Variants in TTC6 observed in about 807,000 individuals in gnomAD.
TTC6 encodes tetratricopeptide repeat domain 6.
A neutral mutation model predicts 210.4 loss-of-function variants in TTC6; 172 were observed. The ratio of observed to expected loss-of-function variants is 0.82; its 90% CI spans 0.72 to 0.93. The LOEUF (loss-of-function observed/expected upper bound fraction) is 0.93. Ranked by LOEUF, TTC6 falls within the 40% of genes least tolerant of loss-of-function variation. The pLI is 0.00. For missense variants in TTC6, 2,414 were observed against 2,318.1 expected (o/e 1.04, Z -0.85); for synonymous variants, 804 against 819.6 (o/e 0.98, Z 0.32).
chr14:37,774,717 A>T (rs1433634662), intron 14 of TTC6, among the ~76,000 whole-genome samples: 2 of 152,054 alleles, frequency 1.3e-5, no homozygotes, highest in East Asian at 3.9e-4. Context: ...TTTGTCTCTC[A>T]CAGGTTTTGA....
At chr14:37,832,329 C>CTTTTT (rs58133834) in intron 29 of TTC6, among the ~76,000 whole-genome samples, 4 of 68,908 alleles carry the variant, frequency 5.8e-5, no homozygotes, top group Admixed American at 1.7e-4. Context: ...TTCTTTCTCT[C>CTTTTT]TTTTTTTTTT....
intron 7 of TTC6, among the ~76,000 whole-genome samples, chr14:37,734,842 G>T (rs2095897326): frequency 1.3e-5 from 2 of 152,004 alleles, no homozygotes; most frequent in East Asian, 3.9e-4. Context: ...ACCATTGATT[G>T]TTAATAAGTT....
intron 10 of TTC6, among the ~76,000 whole-genome samples, chr14:37,748,604 G>T (rs190005065): frequency 3.3e-5 from 5 of 151,552 alleles, no homozygotes; most frequent in South Asian, 2.1e-4. Flanking sequence ...TTTTTCTCAC[G>T]TTATGTTTAC....
intron 3 of TTC6, among the ~76,000 whole-genome samples, chr14:37,695,370 T>C (rs2095812764): frequency 6.6e-6 from 1 of 152,132 alleles, no homozygotes; most frequent in Admixed American, 6.6e-5. Flanking sequence ...ATTTATTTAT[T>C]TGAGATGGAA....
intron 14 of TTC6, among the ~76,000 whole-genome samples, chr14:37,769,326 T>G (rs1364304103): frequency 6.6e-6 from 1 of 151,352 alleles, no homozygotes; most frequent in South Asian, 2.1e-4. Flanking sequence ...TAAAATGAGT[T>G]AGGGAGGATT....
At chr14:37,769,911 ATCTT>A (rs2096012503) in intron 14 of TTC6, among the ~76,000 whole-genome samples, 1 of 151,564 alleles carries the variant, frequency 6.6e-6, no homozygotes, top group Non-Finnish European at 1.5e-5. Context: ...TCAATTTTGA[ATCTT>A]TCCTGCTTTC....
At chr14:37,617,940 A>G (rs1445132708), upstream of TTC6, among the ~76,000 whole-genome samples, 2 of 152,216 alleles carry the variant, frequency 1.3e-5, no homozygotes, top group Non-Finnish European at 2.9e-5. Context: ...CTGACTACAT[A>G]TAGGAAGAGG....
Position 37,815,013 on chromosome 14 carries a change from G to A in TTC6, c.4690-2565G>A, listed in dbSNP as rs972279982. ...GCTTGTTTGTGAAGTTAATGGCTAA[G>A]TTAACCAGAAGTTAATGGGTTAAGA... On this transcript the variant is annotated intron_variant, in intron 25 of 30. Coordinates refer to ENST00000553443, the Ensembl canonical transcript of TTC6. 4.6e-5 allele frequency among the ~76,000 whole-genome samples: 7 copies of A among 152,280 alleles called. No individual in the cohort carries two copies. In the South Asian group the frequency reaches 8.3e-4, roughly 18 times the overall value.
intron 2 of TTC6, among the ~76,000 whole-genome samples, chr14:37,610,516 T>C (rs148980027): frequency 6.0e-4 from 92 of 152,322 alleles, no homozygotes; most frequent in African/African-American, 2.2e-3. Flanking sequence ...TATTATCTAA[T>C]TGGTTTTTCT....
intron 10 of TTC6, among the ~76,000 whole-genome samples, chr14:37,745,160 A>G (rs1045239314): frequency 2.0e-5 from 3 of 152,170 alleles, no homozygotes; most frequent in African/African-American, 7.2e-5. Context: ...ATGGAAAAGA[A>G]AGCATGTCAG....
At chr14:37,793,131 A>G (rs1029211578) in intron 17 of TTC6, among the ~76,000 whole-genome samples, 1 of 152,144 alleles carries the variant, frequency 6.6e-6, no homozygotes, top group African/African-American at 2.4e-5. Flanking sequence ...TGGATTTTCA[A>G]ATAGCAGCCA....
chr14:37,687,738 A>G (rs913812968), intron 3 of TTC6, among the ~76,000 whole-genome samples: 5 of 152,076 alleles, frequency 3.3e-5, no homozygotes, highest in Non-Finnish European at 5.9e-5. Flanking sequence ...AGAAGGACCC[A>G]GTTGTGGTAA....
chr14:37,680,186 A>T (rs1419912918), exon 2 of TTC6: 1 of 1,533,890 alleles, frequency 6.5e-7, no homozygotes, highest in Admixed American at 2.0e-5. Context: ...ACCTCAAAAC[A>T]TCACCTATGC....
intron 10 of TTC6, among the ~76,000 whole-genome samples, chr14:37,744,914 A>G (rs2095931356): frequency 6.6e-6 from 1 of 152,122 alleles, no homozygotes. Flanking sequence ...GGTGATAGCA[A>G]CCAAAGTAGT....
chr14:37,736,176 A>G (rs1450642746), intron 8 of TTC6, among the ~76,000 whole-genome samples, 166 bp downstream of exon 10: 1 of 152,094 alleles, frequency 6.6e-6, no homozygotes, highest in Non-Finnish European at 1.5e-5. Context: ...ACTTGAGGCC[A>G]GGAGTTACAG....
At chr14:37,624,418 C>T (rs1456686479) in intron 1 of TTC6, among the ~76,000 whole-genome samples, 1 of 152,112 alleles carries the variant, frequency 6.6e-6, no homozygotes, top group East Asian at 1.9e-4. Context: ...AGTTAAGGTA[C>T]TTGACATGAA....
At chr14:37,768,634 T>A (rs766816274) in intron 14 of TTC6, among the ~76,000 whole-genome samples, 2,192 of 150,536 alleles carry the variant, frequency 0.015, 33 homozygotes, top group Non-Finnish European at 0.024. Flanking sequence ...ATGCTTGTGA[T>A]TTTTGTACAT....
intron 29 of TTC6, among the ~76,000 whole-genome samples, chr14:37,832,279 T>C (rs1363625362): frequency 6.6e-6 from 1 of 151,326 alleles, no homozygotes; most frequent in Non-Finnish European, 1.5e-5. Context: ...TTTGTATTTT[T>C]TAAGTCTTTA....
intron 2 of TTC6, among the ~76,000 whole-genome samples, chr14:37,681,392 G>A (rs2095783245): frequency 6.6e-6 from 1 of 152,098 alleles, no homozygotes; most frequent in African/African-American, 2.4e-5. Context: ...GAAGGAAACT[G>A]TGAAAAAGGC....
Sources: allele counts gnomAD v4.1 joint callset (sites outside exome capture counted in the v4.1 genomes callset), GRCh38; gene constraint gnomAD v4.1.1; transcripts MANE v1.5; gene names NCBI Gene and HGNC (gene_info 2026-07-23, HGNC 2026-07-21).